KCND2: variants seen among roughly 807,000 people sequenced by gnomAD.
KCND2 encodes A-type voltage-gated potassium channel KCND2.
Under a neutral mutation model 54.4 loss-of-function variants are expected in KCND2, and 16 were observed. The ratio of observed to expected loss-of-function variants is 0.29; its 90% CI spans 0.20 to 0.45. The LOEUF is 0.45. Ranked by LOEUF, KCND2 falls within the 20% of genes least tolerant of loss-of-function variation. The probability of loss-of-function intolerance (pLI) is 1.00; values close to 1 mark genes in which losing one functional copy is unlikely to be tolerated. For missense variants in KCND2, 486 were observed against 824.2 expected, an observed-to-expected ratio of 0.59 and a Z score of 5.02; for synonymous variants, 317 against 310.7, an observed-to-expected ratio of 1.02 and a Z score of -0.21.
intron 1 of KCND2, among the ~76,000 whole-genome samples, chr7:120,661,070 A>G (rs906519953): frequency 6.6e-6 from 1 of 152,166 alleles, no homozygotes; most frequent in African/African-American, 2.4e-5. Flanking sequence ...ACCCATCACC[A>G]GAATAGTGAA....
At chr7:120,476,815 C>T (rs1318526011) in intron 1 of KCND2, among the ~76,000 whole-genome samples, 1 of 152,046 alleles carries the variant, frequency 6.6e-6, no homozygotes, top group African/African-American at 2.4e-5. Flanking sequence ...GAAATTACAG[C>T]CAATAAAAGG....
At chr7:120,644,341 C>G (rs1337568882) in intron 1 of KCND2, among the ~76,000 whole-genome samples, 1 of 152,090 alleles carries the variant, frequency 6.6e-6, no homozygotes, top group Non-Finnish European at 1.5e-5. Context: ...AAATATCAGC[C>G]AGACTATACT....
intron 1 of KCND2, among the ~76,000 whole-genome samples, chr7:120,439,583 G>A (rs61430585): frequency 0.013 from 1,928 of 152,042 alleles, 38 homozygotes; most frequent in African/African-American, 0.041. Context: ...ACCCTACAGT[G>A]CTGTAGAACA....
intron 1 of KCND2, among the ~76,000 whole-genome samples, chr7:120,458,067 C>T (rs1464326947): frequency 3.3e-5 from 5 of 152,096 alleles, no homozygotes; most frequent in Admixed American, 6.5e-5. Flanking sequence ...CTCATGAGAA[C>T]CAACTCACTA....
At chr7:120,672,228 CA>C (rs1226939445) in intron 1 of KCND2, among the ~76,000 whole-genome samples, 1 of 151,312 alleles carries the variant, frequency 6.6e-6, no homozygotes, top group Admixed American at 6.6e-5. Flanking sequence ...TTCTTCCTGA[CA>C]GAAAAAAAAA....
intron 1 of KCND2, among the ~76,000 whole-genome samples, chr7:120,312,048 G>A (rs533374114): frequency 1.3e-5 from 2 of 152,238 alleles, no homozygotes; most frequent in South Asian, 4.1e-4. Flanking sequence ...GGGATAACAG[G>A]CATGCAACAT....
intron 1 of KCND2, among the ~76,000 whole-genome samples, chr7:120,680,986 T>TTACATAATACTTACA (rs1467560784): frequency 2.0e-5 from 3 of 152,122 alleles, no homozygotes; most frequent in African/African-American, 7.2e-5. Flanking sequence ...TGTTTAGGTA[T>TTACATAATACTTACA]TGAACTATCA....
chr7:120,496,455 C>T (rs1402093453), intron 1 of KCND2, among the ~76,000 whole-genome samples: 1 of 151,830 alleles, frequency 6.6e-6, no homozygotes, highest in Non-Finnish European at 1.5e-5. Context: ...GATGGAGTCT[C>T]GCTCTGTTGC....
intron 1 of KCND2, among the ~76,000 whole-genome samples, chr7:120,384,371 G>A (rs1301240847): frequency 6.6e-6 from 1 of 152,022 alleles, no homozygotes; most frequent in Non-Finnish European, 1.5e-5. Context: ...GCAAAAGACT[G>A]TCAAAGTGGG....
chr7:120,365,208 AG>A (rs1800650839), intron 1 of KCND2, among the ~76,000 whole-genome samples: 2 of 104,318 alleles, frequency 1.9e-5, no homozygotes, highest in African/African-American at 7.5e-5. Context: ...GAAAGAAGGA[AG>A]GAAGGGAGGG....
At chr7:120,372,317 A>G (rs1800775992) in intron 1 of KCND2, among the ~76,000 whole-genome samples, 5 of 151,970 alleles carry the variant, frequency 3.3e-5, no homozygotes, top group Admixed American at 1.3e-4. Context: ...CACTTCTCTT[A>G]TAGATCTAGA....
intron 1 of KCND2, among the ~76,000 whole-genome samples, chr7:120,351,827 T>C (rs1416153304): frequency 6.6e-6 from 1 of 152,112 alleles, no homozygotes; most frequent in African/African-American, 2.4e-5. Flanking sequence ...TTTTTTTCTT[T>C]TTGAGACAGT....
chr7:120,463,988 A>G, intron 1 of KCND2: 1 of 909,456 alleles, frequency 1.1e-6, no homozygotes, highest in Non-Finnish European at 1.3e-6. Flanking sequence ...GACTGGCTAC[A>G]TTGGATAAAT....
intron 1 of KCND2, among the ~76,000 whole-genome samples, chr7:120,671,486 C>A (rs746337516): frequency 6.6e-6 from 1 of 151,988 alleles, no homozygotes; most frequent in Non-Finnish European, 1.5e-5. Context: ...AGATGATCTA[C>A]CTGAGTTCTG....
intron 1 of KCND2, among the ~76,000 whole-genome samples, chr7:120,662,417 A>G (rs1791876921): frequency 6.6e-6 from 1 of 152,190 alleles, no homozygotes; most frequent in African/African-American, 2.4e-5. Flanking sequence ...ACTAAGTCAT[A>G]TCTTATCCCA....
At chr7:120,481,638 T>A (rs1802609250) in intron 1 of KCND2, among the ~76,000 whole-genome samples, 1 of 152,166 alleles carries the variant, frequency 6.6e-6, no homozygotes. Context: ...GTGCCCTCCA[T>A]TAGCTCATTG....
intron 2 of KCND2, among the ~76,000 whole-genome samples, chr7:120,735,308 C>T (rs1792856436): frequency 6.6e-6 from 1 of 152,036 alleles, no homozygotes; most frequent in Non-Finnish European, 1.5e-5. Context: ...GACCTTCAAA[C>T]ATCACACTCA....
chr7:120,483,950 T>C (rs368805069), intron 1 of KCND2, among the ~76,000 whole-genome samples: 4 of 152,068 alleles, frequency 2.6e-5, no homozygotes, highest in Non-Finnish European at 4.4e-5. Context: ...TTTTTAAAAT[T>C]AGTATTAGCC....
chr7:120,586,997 A>G (rs535327384), intron 1 of KCND2, among the ~76,000 whole-genome samples: 1 of 152,240 alleles, frequency 6.6e-6, no homozygotes, highest in African/African-American at 2.4e-5. Flanking sequence ...TTAATTTTAA[A>G]TGTCTACTTG....
Sources: allele counts gnomAD v4.1 joint callset (sites outside exome capture counted in the v4.1 genomes callset), GRCh38; gene constraint gnomAD v4.1.1; transcripts MANE v1.5; gene names NCBI Gene and HGNC (gene_info 2026-07-23, HGNC 2026-07-21).